The following NCKAP1 variants were observed in gnomAD, a reference collection of about 807,000 sequenced individuals.
NCKAP1 encodes the protein NCK associated protein 1.
NCKAP1 carries 21 observed loss-of-function variants against 151.2 expected under a neutral mutation model. The observed-to-expected ratio is 0.14, with a 90% CI of 0.10 to 0.20. The LOEUF (loss-of-function observed/expected upper bound fraction) is 0.20. NCKAP1 is among the 10% of genes least tolerant of loss of function. NCKAP1 has a pLI of 1.00. For missense variants in NCKAP1, 933 were observed against 1,352.1 expected (o/e 0.69, Z 4.86); for synonymous variants, 484 against 451.8 (o/e 1.07, Z -0.90).
intron 8 of NCKAP1, among the ~76,000 whole-genome samples, chr2:182,992,207 C>T (rs1199976132): frequency 6.6e-6 from 1 of 152,144 alleles, no homozygotes; most frequent in Non-Finnish European, 1.5e-5. Flanking sequence ...AAGAAAAATC[C>T]TAGTCTGGGT....
At chr2:182,996,845 G>T (rs965069492) in intron 6 of NCKAP1, among the ~76,000 whole-genome samples, 15 of 152,168 alleles carry the variant, frequency 9.9e-5, no homozygotes, top group Admixed American at 9.2e-4. Context: ...GAAATTTAGT[G>T]AAACTGAACC....
chr2:182,971,080 A>G (rs1382913437), intron 15 of NCKAP1, among the ~76,000 whole-genome samples: 4 of 152,164 alleles, frequency 2.6e-5, no homozygotes, highest in Non-Finnish European at 5.9e-5. Context: ...GATGAAGGAA[A>G]CTGAAGAAGA....
chr2:182,981,628 G>A (rs1435289588), intron 12 of NCKAP1, among the ~76,000 whole-genome samples: 1 of 151,966 alleles, frequency 6.6e-6, no homozygotes, highest in Non-Finnish European at 1.5e-5. Flanking sequence ...AATAAGCAGG[G>A]CCGGGCACAG....
In NCKAP1 at chr2:182,909,691, G is replaced by C. The variant is rs1696358163; in HGVS notation, c.*16011C>G. 6.6e-6 allele frequency: 1 copy of C among 152,130 alleles called. No individual in the cohort carries two copies. Among genetic ancestry groups the C allele is most frequent in the Non-Finnish European group, 1.5e-5 (1 of 68,024 alleles). The allele number at this position is 152,130 out of a possible 1,614,324, so 9.4% of individuals were successfully genotyped here. ...TCACTTTTAAAGCCAAGGTTTCCTTGAGAAGATATTTAGGGCACAGGACAC... is the reference window on the plus strand; with the variant it reads ...TCACTTTTAAAGCCAAGGTTTCCTTCAGAAGATATTTAGGGCACAGGACAC... On this transcript the variant is annotated 3_prime_UTR_variant, in exon 31 of 31. Transcript: ENST00000361354.
chr2:182,972,626 A>G (rs565627023), intron 15 of NCKAP1, among the ~76,000 whole-genome samples: 1 of 152,320 alleles, frequency 6.6e-6, no homozygotes, highest in East Asian at 1.9e-4. Flanking sequence ...TGTTTATTGC[A>G]GCAATATTCA....
rs548443386 is a variant in NCKAP1 at position 182,911,270 on chromosome 2, G to C, written c.*14432C>G. The C allele has an allele frequency of 1.3e-5, 2 of 152,378 alleles. No homozygotes were observed. Among genetic ancestry groups the C allele is most frequent in the African/African-American group, 4.8e-5 (2 of 41,424 alleles). 9.4% of individuals were successfully genotyped at this position (152,378 alleles called of 1,614,324 possible). ...TTCTGGCCAGTCTAGGGAAGATGCAGTGAGGGTTTTTGTGTCCTCTGCTTC... is the reference window on the plus strand; with the variant it reads ...TTCTGGCCAGTCTAGGGAAGATGCACTGAGGGTTTTTGTGTCCTCTGCTTC... On this transcript the variant is annotated 3_prime_UTR_variant, in exon 31 of 31. Coordinates refer to ENST00000361354, the MANE Select transcript of NCKAP1 (RefSeq NM_013436.5).
rs1329521214 is a variant in NCKAP1 at position 182,915,981 on chromosome 2, T to A, written c.*9721A>T. 6.6e-6 allele frequency: 1 copy of A among 152,064 alleles called. No homozygotes were observed. The highest frequency in any genetic ancestry group is 1.5e-5 in the Non-Finnish European group (1 of 68,014). The allele number at this position is 152,064 out of a possible 1,614,324, so 9.4% of individuals were successfully genotyped here. On this transcript the variant is annotated 3_prime_UTR_variant, in exon 31 of 31. Coordinates refer to ENST00000361354, the MANE Select transcript of NCKAP1 (RefSeq NM_013436.5). ...ATACAAGGGGCTCAGATTCTGCATC[T>A]TCTCCCCCTGACATCCCAGACAAGT...
intron 14 of NCKAP1, among the ~76,000 whole-genome samples, chr2:182,977,529 T>A (rs1031618650): frequency 6.6e-6 from 1 of 152,004 alleles, no homozygotes; most frequent in Non-Finnish European, 1.5e-5. Flanking sequence ...ATTATTCTGC[T>A]AAAAAAGAAA....
chr2:182,915,887 A>C lies in NCKAP1; in HGVS notation c.*9815T>G, dbSNP rs1158980502. 2.0e-5 allele frequency: 3 copies of C among 152,128 alleles called. No individual in the cohort carries two copies. The highest frequency in any genetic ancestry group is 7.2e-5 in the African/African-American group (3 of 41,414). The allele number at this position is 152,128 out of a possible 1,614,324, so 9.4% of individuals were successfully genotyped here. On this transcript the variant is annotated 3_prime_UTR_variant, in exon 31 of 31. Transcript: ENST00000361354. ...CATTTCACTTAAATTTTCAGATTTA[A>C]AAATAATTTTTTTGCTACGTGGAAT... is the stretch of plus-strand genomic sequence containing the variant.
chr2:183,003,805 C>T (rs952289746), intron 2 of NCKAP1, among the ~76,000 whole-genome samples: 43 of 151,908 alleles, frequency 2.8e-4, no homozygotes, highest in Non-Finnish European at 4.1e-4. Context: ...AATACGGTAA[C>T]GGTTCCCTGA....
rs182281809 is a variant in NCKAP1, at chr2:182,980,210, A to G, written c.1341+1034T>C. ...TTTTCTGTTCCCTTTTTAAATGACC[A>G]TAGAAAAGAAGTATCTGAGCTCCAT... On this transcript the variant is annotated intron_variant, in intron 13 of 30. Transcript: ENST00000361354. 4.0e-3 allele frequency among the ~76,000 whole-genome samples: 612 copies of G among 152,218 alleles called. 2 individuals carry two copies. The highest frequency in any genetic ancestry group is 6.5e-3 in the Non-Finnish European group (442 of 67,960).
intron 18 of NCKAP1, among the ~76,000 whole-genome samples, chr2:182,960,988 C>G (rs1697436795): frequency 6.6e-6 from 1 of 152,280 alleles, no homozygotes; most frequent in South Asian, 2.1e-4. Context: ...AAATGCTCAT[C>G]ATCACTGGCC....
At chr2:183,016,025 G>A (rs1172077803) in intron 2 of NCKAP1, among the ~76,000 whole-genome samples, 1 of 152,082 alleles carries the variant, frequency 6.6e-6, no homozygotes, top group African/African-American at 2.4e-5. Context: ...TTGCATAGGA[G>A]AGACACTGTC....
rs1696495151 is a variant in NCKAP1, at chr2:182,918,136, C to A, written c.*7566G>T. The A allele has an allele frequency of 6.6e-6, 1 of 152,152 alleles. No homozygotes were observed. Among genetic ancestry groups the A allele is most frequent in the South Asian group, 2.1e-4 (1 of 4,822 alleles). 9.4% of individuals were successfully genotyped at this position (152,152 alleles called of 1,614,324 possible). A position where few individuals can be genotyped will look rare whatever the true frequency, so the allele number is the denominator to read the frequency against. ...TTAAAGTTTTATGAGCTGGTTTCCACATTCATTTACAAAAATAAAGAAAAC... is the reference window on the plus strand; with the variant it reads ...TTAAAGTTTTATGAGCTGGTTTCCAAATTCATTTACAAAAATAAAGAAAAC... On this transcript the variant is annotated 3_prime_UTR_variant, in exon 31 of 31. Transcript: ENST00000361354.
At chr2:183,036,295 C>A (rs1326518758) in intron 1 of NCKAP1, among the ~76,000 whole-genome samples, 1 of 152,088 alleles carries the variant, frequency 6.6e-6, no homozygotes, top group Non-Finnish European at 1.5e-5. Context: ...CCCAAATACC[C>A]AAATCACTTT....
chr2:182,931,662 C>G (rs1004878564), intron 26 of NCKAP1, among the ~76,000 whole-genome samples: 4 of 152,050 alleles, frequency 2.6e-5, no homozygotes, highest in African/African-American at 9.7e-5. Flanking sequence ...CCCCCAAAAA[C>G]AGATAAAATG....
chr2:183,020,436 G>C (rs1698772848), intron 2 of NCKAP1, among the ~76,000 whole-genome samples: 1 of 139,020 alleles, frequency 7.2e-6, no homozygotes, highest in African/African-American at 2.8e-5. Context: ...CTGCACTCCA[G>C]CCTGGGCAAT....
chr2:182,943,726 T>C (rs1399712128), intron 23 of NCKAP1, among the ~76,000 whole-genome samples: 2 of 152,164 alleles, frequency 1.3e-5, no homozygotes, highest in Non-Finnish European at 2.9e-5. Flanking sequence ...AGAGCAATTA[T>C]AACCATTTGT....
chr2:182,995,910 G>A lies in NCKAP1; in HGVS notation c.604-72C>T, dbSNP rs1698259571. On this transcript the variant is annotated intron_variant, in intron 6 of 30. Transcript: ENST00000361354. Reference sequence around the variant, plus strand: ...TTCTGTTTACATTGCAGCTATAATTGCTGTGTGTTTCTAACTATACCATCA... The same window carrying A: ...TTCTGTTTACATTGCAGCTATAATTACTGTGTGTTTCTAACTATACCATCA... 14 of 1,286,630 alleles carry A rather than the reference G, an allele frequency of 1.1e-5. No homozygotes were observed. In the Admixed American group the frequency reaches 2.6e-4, roughly 24 times the overall value. 79.7% of individuals were successfully genotyped at this position (1,286,630 alleles called of 1,614,324 possible). A position where few individuals can be genotyped will look rare whatever the true frequency, so the allele number is the denominator to read the frequency against.
Sources: allele counts gnomAD v4.1 joint callset (sites outside exome capture counted in the v4.1 genomes callset), GRCh38; gene constraint gnomAD v4.1.1; transcripts MANE v1.5; gene names NCBI Gene and HGNC (gene_info 2026-07-23, HGNC 2026-07-21).